Variants in SEMA4D observed in about 807,000 individuals in gnomAD.
SEMA4D encodes semaphorin 4D.
Under a neutral mutation model 74.8 loss-of-function variants are expected in SEMA4D, and 22 were observed. The ratio of observed to expected loss-of-function variants is 0.29; its 90% confidence interval spans 0.21 to 0.42. The LOEUF (loss-of-function observed/expected upper bound fraction) is 0.42. Ranked by LOEUF, SEMA4D falls within the 10% of genes least tolerant of loss-of-function variation. SEMA4D has a pLI of 1.00. For synonymous variants in SEMA4D, 445 were observed against 463.7 expected (o/e 0.96, Z 0.52); for missense variants, 937 against 1,118.4 (o/e 0.84, Z 2.31).
rs759450601 is a variant in SEMA4D at position 89,405,348 on chromosome 9, C to G, written c.106+3G>C. The G allele has an allele frequency of 6.2e-7, 1 of 1,613,470 alleles. No homozygotes were observed. The highest frequency in any genetic ancestry group is 1.1e-5 in the South Asian group (1 of 91,064). ...CAGCACCCCTGCAGGTTTCGTCACTCACCTCTGTGCTCCCAGGTGATCCGG... is the reference window on the plus strand; with the variant it reads ...CAGCACCCCTGCAGGTTTCGTCACTGACCTCTGTGCTCCCAGGTGATCCGG... On this transcript the variant is annotated splice_donor_region_variant and intron_variant, in intron 3 of 15. Coordinates refer to ENST00000422704, the MANE Select transcript of SEMA4D (RefSeq NM_001371194.2).
At chr9:89,480,658 C>T (rs1824544728) in intron 1 of SEMA4D, among the ~76,000 whole-genome samples, 1 of 152,204 alleles carries the variant, frequency 6.6e-6, no homozygotes, top group South Asian at 2.1e-4. Context: ...GCCACTGGCC[C>T]GGGTGCTAAG....
intron 2 of SEMA4D, among the ~76,000 whole-genome samples, chr9:89,428,440 G>T (rs1332264716): frequency 6.6e-6 from 1 of 152,256 alleles, no homozygotes; most frequent in Non-Finnish European, 1.5e-5. Flanking sequence ...GGTGCCAGGC[G>T]GCAGCAGAGG....
At chr9:89,376,796 T>TG, downstream of SEMA4D, 1 of 1,523,946 alleles carries the variant, frequency 6.6e-7, no homozygotes, top group Non-Finnish European at 8.9e-7. Flanking sequence ...AGGAGACAGA[T>TG]GGACAGGGCA....
At chr9:89,450,135 C>CTGTGT in intron 2 of SEMA4D, 1 of 1,260,956 alleles carries the variant, frequency 7.9e-7, no homozygotes, top group Non-Finnish European at 1.2e-6. Context: ...GCTGAAGCAG[C>CTGTGT]ATGTCATCGA....
rs1189650360 is a variant in SEMA4D at position 89,391,391 on chromosome 9, A to T, written c.647T>A (p.Val216Glu). 6.2e-7 allele frequency: 1 copy of T among 1,614,244 alleles called. No individual in the cohort carries two copies. Among genetic ancestry groups the T allele is most frequent in the Admixed American group, 1.7e-5 (1 of 60,026 alleles). Residue 216 changes from valine to glutamate, a missense_variant, in exon 9 of 16, where the codon GTG becomes GAG. Physicochemically the swap from Val to Glu is moderately radical, Grantham distance 121 (BLOSUM62 -2). Coordinates refer to ENST00000422704, the MANE Select transcript of SEMA4D (RefSeq NM_001371194.2). ...GGGGCTGTCTGGGCTTTTTCGGATC[A>T]CGTCAGCAAACACGAAACTAGGCTC... is the stretch of plus-strand genomic sequence containing the variant. ...LNEPSFVFAD[V>E]IRKSPDSPDG...
chr9:89,381,843 C>G lies in SEMA4D; in HGVS notation c.1447-497G>C, dbSNP rs990983219. The G allele has an allele frequency of 6.5e-6, 1 of 154,392 alleles. No homozygotes were observed. Among genetic ancestry groups the G allele is most frequent in the African/African-American group, 2.4e-5 (1 of 41,534 alleles). The allele number at this position is 154,392 out of a possible 1,614,324, so 9.6% of individuals were successfully genotyped here. On this transcript the variant is annotated intron_variant, in intron 13 of 15. Transcript: ENST00000422704. The surrounding 1 kb of genome is among the most constrained non-coding windows in gnomAD (Gnocchi z 4.6). ...GAGCACCTGTGGGCGGGGAGCCTCT[C>G]GTGAGGGTCTGGATCCAGCAGAGGC...
chr9:89,478,313 GACAGAC>G (rs1563984420), intron 1 of SEMA4D, among the ~76,000 whole-genome samples: 1 of 152,206 alleles, frequency 6.6e-6, no homozygotes, highest in Non-Finnish European at 1.5e-5. Flanking sequence ...CAGAGGGAAA[GACAGAC>G]GCAGACGCCA....
rs1255002372 is a variant in SEMA4D, at chr9:89,484,964, G to T, written c.-310+12955C>A. On this transcript the variant is annotated intron_variant, in intron 1 of 15. Transcript: ENST00000422704. The surrounding 1 kb of genome is among the most constrained non-coding windows in gnomAD (Gnocchi z 4.1). ...TTGGTGTGTGTGTACTGGGTGGGTG[G>T]TGGAGGCATATGTGTGTAGTATGTT... 6.7e-6 allele frequency among the ~76,000 whole-genome samples: 1 copy of T among 149,200 alleles called. No homozygotes were observed. The highest frequency in any genetic ancestry group is 2.5e-5 in the African/African-American group (1 of 40,580).
chr9:89,428,110 G>A (rs1480759276), intron 2 of SEMA4D, among the ~76,000 whole-genome samples: 1 of 152,162 alleles, frequency 6.6e-6, no homozygotes, highest in Non-Finnish European at 1.5e-5. Context: ...TCACCTGCGT[G>A]TGTCACTGAG....
chr9:89,449,372 C>T (rs558108770), intron 2 of SEMA4D, among the ~76,000 whole-genome samples: 1 of 152,354 alleles, frequency 6.6e-6, no homozygotes, highest in Admixed American at 6.5e-5. Flanking sequence ...TTAGATCCTA[C>T]ACCTACCAGG....
chr9:89,427,091 A>T (rs1848269619), intron 2 of SEMA4D, among the ~76,000 whole-genome samples: 2 of 152,208 alleles, frequency 1.3e-5, no homozygotes, highest in African/African-American at 4.8e-5. Context: ...CAAGCCCAGT[A>T]TTGGGTCAGA....
At chr9:89,476,481 TA>T (rs1861774265) in intron 1 of SEMA4D, among the ~76,000 whole-genome samples, 1 of 152,166 alleles carries the variant, frequency 6.6e-6, no homozygotes, top group African/African-American at 2.4e-5. Context: ...TGGCCCTCTG[TA>T]ATGAGGGTGG....
intron 2 of SEMA4D, among the ~76,000 whole-genome samples, chr9:89,429,720 C>T (rs796248665): frequency 3.3e-5 from 5 of 152,272 alleles, no homozygotes; most frequent in South Asian, 2.1e-4. Flanking sequence ...TCCAGAAGCC[C>T]GGGAAGCATG....
At chr9:89,481,429 AG>A (rs1824669280) in intron 1 of SEMA4D, among the ~76,000 whole-genome samples, 1 of 152,208 alleles carries the variant, frequency 6.6e-6, no homozygotes, top group African/African-American at 2.4e-5. Flanking sequence ...CACGGAGACA[AG>A]ACCTGCCCCA....
At chr9:89,477,673 A>G (rs567534417) in intron 1 of SEMA4D, among the ~76,000 whole-genome samples, 1 of 152,360 alleles carries the variant, frequency 6.6e-6, no homozygotes, top group Admixed American at 6.5e-5. Flanking sequence ...ATGTGTGTGC[A>G]TCTGAAAATC....
chr9:89,469,456 C>G (rs1007046851), intron 1 of SEMA4D, among the ~76,000 whole-genome samples: 1 of 152,070 alleles, frequency 6.6e-6, no homozygotes, highest in African/African-American at 2.4e-5. Flanking sequence ...ATAGCAAATC[C>G]AGAAAAAGAC....
downstream of SEMA4D, among the ~76,000 whole-genome samples, chr9:89,375,155 C>T (rs778605707): frequency 5.9e-5 from 9 of 152,208 alleles, no homozygotes; most frequent in Admixed American, 4.6e-4. Context: ...CATAGAGACC[C>T]GCCCGCTTCC....
intron 1 of SEMA4D, among the ~76,000 whole-genome samples, chr9:89,463,478 T>C (rs1023673096): frequency 8.5e-5 from 13 of 152,218 alleles, no homozygotes; most frequent in African/African-American, 3.1e-4. Context: ...GGGCTTTTCA[T>C]GATCAAGTCC....
chr9:89,411,553 C>A (rs1564677153), intron 2 of SEMA4D, among the ~76,000 whole-genome samples: 1 of 152,196 alleles, frequency 6.6e-6, no homozygotes, highest in African/African-American at 2.4e-5. Context: ...AGGGAAGGGA[C>A]AAAGGGACAA....
Sources: gnomAD v4.1 joint callset for allele counts (sites outside exome capture counted in the v4.1 genomes callset) on GRCh38, gnomAD v4.1.1 for gene constraint, Gnocchi (gnomAD v3.1) non-coding constraint, MANE v1.5 for transcripts, NCBI Gene and HGNC (gene_info 2026-07-23, HGNC 2026-07-21) for gene names.